The following CTNNA2 variants were observed in gnomAD, a reference collection of about 807,000 sequenced individuals.
The protein encoded by CTNNA2 is catenin alpha 2.
Under a neutral mutation model 101.0 loss-of-function variants are expected in CTNNA2, and 42 were observed. The ratio of observed to expected loss-of-function variants is 0.42; its 90% CI spans 0.32 to 0.54. CTNNA2 has a LOEUF of 0.54. Among genes scored for constraint, CTNNA2 ranks in the 20% least tolerant of loss-of-function variants. The pLI is 0.14. For missense variants in CTNNA2, 871 were observed against 1,223.1 expected (o/e 0.71, Z 4.29); for synonymous variants, 450 against 456.4 (o/e 0.99, Z 0.18).
intron 7 of CTNNA2, among the ~76,000 whole-genome samples, chr2:80,076,873 G>A (rs1489710389): frequency 8.6e-5 from 13 of 151,556 alleles, no homozygotes; most frequent in African/African-American, 2.2e-4. Flanking sequence ...GTGAAACCCC[G>A]TCTCTACTAA....
intron 3 of CTNNA2, among the ~76,000 whole-genome samples, chr2:79,803,800 A>G (rs1436183804): frequency 6.6e-6 from 1 of 152,250 alleles, no homozygotes; most frequent in Non-Finnish European, 1.5e-5. Flanking sequence ...ATTATCAGAC[A>G]ATTTGGCTAT....
intron 7 of CTNNA2, among the ~76,000 whole-genome samples, chr2:80,281,624 A>G (rs942695960): frequency 6.6e-5 from 10 of 151,634 alleles, no homozygotes; most frequent in Non-Finnish European, 1.2e-4. Context: ...CATTATCTTC[A>G]GCTGGACTGA....
chr2:79,744,519 G>T lies in CTNNA2; in HGVS notation c.235G>T (p.Ala79Ser), dbSNP rs377364195. 4 of 1,614,052 alleles carry T rather than the reference G, an allele frequency of 2.5e-6. 1 individual carries two copies. The South Asian group carries it at 3.3e-5, about 13-fold the overall frequency. ...QNFLEKGEQI[A>S]KESQDLKEEL... ...TTTCCTGGAAAAGGGTGAACAGATC[G>T]CTAAGGAGAGTCAAGATCTCAAAGA... is the stretch of plus-strand genomic sequence containing the variant. Residue 79 changes from alanine to serine, a missense_variant, in exon 3 of 19, where the codon GCT becomes TCT. Around this residue, in one of 5 missense-constraint regions of CTNNA2, gnomAD observed 647 missense variants for 831.5 expected, o/e 0.78. Coordinates refer to ENST00000402739, the MANE Select transcript of CTNNA2 (RefSeq NM_001282597.3).
At chr2:80,420,026 G>A (rs1680380669) in intron 9 of CTNNA2, among the ~76,000 whole-genome samples, 1 of 100,168 alleles carries the variant, frequency 1.0e-5, no homozygotes, top group Non-Finnish European at 1.9e-5. Context: ...TCCACACTGG[G>A]AACTTGTGAA....
intron 2 of CTNNA2, among the ~76,000 whole-genome samples, chr2:79,673,201 C>T (rs561101576): frequency 3.5e-4 from 53 of 151,912 alleles, no homozygotes; most frequent in Admixed American, 1.3e-4. Flanking sequence ...AAATTTTGTA[C>T]AATTAACATA....
chr2:79,957,470 T>G (rs1689319200), intron 7 of CTNNA2, among the ~76,000 whole-genome samples: 1 of 152,208 alleles, frequency 6.6e-6, no homozygotes, highest in African/African-American at 2.4e-5. Context: ...GGCTGTGTAT[T>G]CTGGCTGTAT....
At chr2:80,036,295 T>C (rs775462821) in intron 7 of CTNNA2, among the ~76,000 whole-genome samples, 5 of 151,996 alleles carry the variant, frequency 3.3e-5, no homozygotes, top group Non-Finnish European at 5.9e-5. Flanking sequence ...AGACTGTAAG[T>C]ATAGGTTAAG....
intron 5 of CTNNA2, among the ~76,000 whole-genome samples, chr2:79,505,590 G>A (rs988553803): frequency 6.6e-6 from 1 of 152,082 alleles, no homozygotes; most frequent in Non-Finnish European, 1.5e-5. Context: ...AATGAAATAC[G>A]GCAATGAGCT....
intron 4 of CTNNA2, among the ~76,000 whole-genome samples, chr2:79,449,056 A>G (rs1266069434): frequency 1.3e-5 from 2 of 152,014 alleles, no homozygotes; most frequent in African/African-American, 4.8e-5. Context: ...TTGGCCCTCA[A>G]GATAGTTCCT....
chr2:80,400,190 C>T (rs72813680), intron 8 of CTNNA2, among the ~76,000 whole-genome samples: 2,668 of 152,226 alleles, frequency 0.018, 35 homozygotes, highest in Non-Finnish European at 0.027. Flanking sequence ...TCCATTTGAC[C>T]CCTCCTTGCT....
intron 4 of CTNNA2, among the ~76,000 whole-genome samples, chr2:79,440,576 A>T (rs1187385505): frequency 6.6e-6 from 1 of 152,064 alleles, no homozygotes; most frequent in Non-Finnish European, 1.5e-5. Context: ...GTCCTTAGGG[A>T]CTCATTTCTA....
chr2:80,328,290 C>G (rs1055625278), intron 7 of CTNNA2: 1 of 471,124 alleles, frequency 2.1e-6, no homozygotes, highest in Non-Finnish European at 4.4e-6. Context: ...CTTCTTTGCT[C>G]TGTCCTGAAT....
chr2:79,202,072 C>T (rs1173494726), intron 2 of CTNNA2, among the ~76,000 whole-genome samples: 1 of 152,150 alleles, frequency 6.6e-6, no homozygotes, highest in African/African-American at 2.4e-5. Context: ...TGATCAGCCT[C>T]CATTGAATAC....
At chr2:80,022,450 G>C (rs1295499998) in intron 7 of CTNNA2, among the ~76,000 whole-genome samples, 1 of 152,146 alleles carries the variant, frequency 6.6e-6, no homozygotes, top group Non-Finnish European at 1.5e-5. Flanking sequence ...TTTGATCTGA[G>C]AGCTGAAGGG....
intron 2 of CTNNA2, among the ~76,000 whole-genome samples, chr2:79,688,858 A>G (rs1206959718): frequency 2.0e-5 from 3 of 152,016 alleles, no homozygotes; most frequent in Non-Finnish European, 2.9e-5. Flanking sequence ...TCCCAAATGT[A>G]GTGTTCTGAA....
At chr2:80,534,363 C>G (rs952742831) in intron 9 of CTNNA2, among the ~76,000 whole-genome samples, 4 of 152,134 alleles carry the variant, frequency 2.6e-5, no homozygotes, top group Non-Finnish European at 4.4e-5. Context: ...ATTTGATTAA[C>G]TGATACAGAA....
chr2:80,463,739 T>C (rs1684639008), intron 9 of CTNNA2, among the ~76,000 whole-genome samples: 1 of 152,176 alleles, frequency 6.6e-6, no homozygotes, highest in African/African-American at 2.4e-5. Flanking sequence ...TTACAGTCAA[T>C]AAACCAAGCT....
intron 7 of CTNNA2, among the ~76,000 whole-genome samples, chr2:80,245,826 A>G (rs866042610): frequency 1.7e-4 from 10 of 59,838 alleles, no homozygotes; most frequent in African/African-American, 5.6e-4. Context: ...TTTTTTTTGC[A>G]CTCTGTAGCC....
intron 18 of CTNNA2, among the ~76,000 whole-genome samples, chr2:80,621,949 C>T (rs1671168975): frequency 6.6e-6 from 1 of 151,814 alleles, no homozygotes; most frequent in Non-Finnish European, 1.5e-5. Context: ...TAGCTGAGAA[C>T]AGAACGGTTT....
Sources: gnomAD v4.1 joint callset for allele counts (sites outside exome capture counted in the v4.1 genomes callset) on GRCh38, gnomAD v4.1.1 for gene constraint, gnomAD v4.1.1 regional missense constraint, MANE v1.5 for transcripts, NCBI Gene and HGNC (gene_info 2026-07-23, HGNC 2026-07-21) for gene names.